KAT2B: variants seen among roughly 807,000 people sequenced by gnomAD.
KAT2B encodes the protein lysine acetyltransferase 2B, also known as histone acetyltransferase KAT2B.
Under a neutral mutation model 105.9 loss-of-function variants are expected in KAT2B, and 36 were observed. That is an observed-to-expected ratio of 0.34 (90% CI 0.26 to 0.45). The LOEUF (loss-of-function observed/expected upper bound fraction) is 0.45, where lower values mean the gene tolerates loss of function less well. Ranked by LOEUF, KAT2B falls within the 20% of genes least tolerant of loss-of-function variation. The pLI, the probability that KAT2B is intolerant of heterozygous loss-of-function variation, is 1.00. For synonymous variants in KAT2B, 397 were observed against 377.9 expected (o/e 1.05, Z -0.59); for missense variants, 820 against 1,021.6 (o/e 0.80, Z 2.69).
intron 3 of KAT2B, 102 bp from the exon 4 acceptor site, chr3:20,099,758 TAA>T (rs201471977): frequency 0.014 from 8,331 of 611,410 alleles, 51 homozygotes; most frequent in Non-Finnish European, 0.018. Flanking sequence ...TGTGTGTGTG[TAA>T]GAGAGAGAGA....
intron 12 of KAT2B, 63 bp downstream of exon 12, chr3:20,137,115 G>A (rs532236949): frequency 2.6e-5 from 22 of 833,032 alleles, no homozygotes; most frequent in African/African-American, 2.0e-4. Context: ...CTCAGGTAGC[G>A]TTCTTCCAAA....
chr3:20,138,293 T>A (rs1256145605), intron 12 of KAT2B, among the ~76,000 whole-genome samples: 1 of 152,178 alleles, frequency 6.6e-6, no homozygotes, highest in Non-Finnish European at 1.5e-5. Context: ...ATTTTTTCTG[T>A]GTGTATATAA....
intron 1 of KAT2B, among the ~76,000 whole-genome samples, chr3:20,051,936 G>A (rs989280460): frequency 5.3e-5 from 8 of 152,156 alleles, no homozygotes; most frequent in Admixed American, 1.3e-4. Flanking sequence ...TAAATTCCAT[G>A]GGCTGCTTTG....
intron 2 of KAT2B, among the ~76,000 whole-genome samples, chr3:20,078,898 G>C: frequency 7.0e-6 from 1 of 141,988 alleles, no homozygotes. Context: ...TTTTTGAGAA[G>C]GAGTCTCACT....
chr3:20,126,145 T>C (rs1276059990), intron 10 of KAT2B, 32 bp downstream of exon 10: 1 of 1,531,950 alleles, frequency 6.5e-7, no homozygotes, highest in Admixed American at 2.0e-5. Context: ...TTCTTCCTTA[T>C]TTCCTTTTTA....
At chr3:20,102,128 CAA>C (rs1242642440) in intron 5 of KAT2B, among the ~76,000 whole-genome samples, 2 of 151,964 alleles carry the variant, frequency 1.3e-5, no homozygotes, top group Admixed American at 6.6e-5. Flanking sequence ...CCAGCCTGGC[CAA>C]TATGGTGAAA....
chr3:20,114,241 G>A (rs949772902), intron 6 of KAT2B, among the ~76,000 whole-genome samples: 4 of 152,116 alleles, frequency 2.6e-5, no homozygotes, highest in Non-Finnish European at 5.9e-5. Context: ...TTCCAATCCT[G>A]ATCCTGCCAT....
At position 20,127,059 on chromosome 3, in the gene KAT2B, C is replaced by T. The variant is rs1699417690; in HGVS notation, c.1623-364C>T. 2.0e-5 allele frequency among the ~76,000 whole-genome samples: 3 copies of T among 152,292 alleles called. No individual in the cohort carries two copies. The South Asian group carries it at 6.2e-4, about 32-fold the overall frequency. The stretch of plus-strand genomic sequence containing the variant: ...TAATATTTTGGAGTAAGACTTAACT[C>T]TTCAGAGACACATACCATGTTTGTC... On this transcript the variant is annotated intron_variant, in intron 10 of 17. Coordinates refer to ENST00000263754, the MANE Select transcript of KAT2B (RefSeq NM_003884.5).
chr3:20,082,858 T>G (rs1458306578), intron 2 of KAT2B, among the ~76,000 whole-genome samples: 1 of 152,064 alleles, frequency 6.6e-6, no homozygotes, highest in Non-Finnish European at 1.5e-5. Flanking sequence ...TTCAAGGTGG[T>G]AAGAAAAAGA....
chr3:20,054,684 A>G (rs1261104226), intron 1 of KAT2B, among the ~76,000 whole-genome samples: 1 of 152,230 alleles, frequency 6.6e-6, no homozygotes. Flanking sequence ...GAGTAATATC[A>G]TAGTGATTGA....
rs575706741 is a variant in KAT2B, at chr3:20,130,925, C to T, written c.1749+3376C>T. 1.5e-4 allele frequency among the ~76,000 whole-genome samples: 21 copies of T among 144,718 alleles called. 1 individual carries two copies. In the East Asian group the frequency reaches 2.9e-3, roughly 20 times the overall value. The allele number at this position is 144,718 out of a possible 152,430, so 94.9% of individuals were successfully genotyped here. ...GAACGTGTGTGTGTGTGCATGCGTGCGTGTGTGTGTGTGTTCTAATGGTAA... is the reference window on the plus strand; with the variant it reads ...GAACGTGTGTGTGTGTGCATGCGTGTGTGTGTGTGTGTGTTCTAATGGTAA... On this transcript the variant is annotated intron_variant, in intron 11 of 17. Coordinates refer to ENST00000263754, the MANE Select transcript of KAT2B (RefSeq NM_003884.5).
intron 11 of KAT2B, among the ~76,000 whole-genome samples, chr3:20,129,460 C>T (rs558715172): frequency 2.6e-5 from 4 of 151,632 alleles, no homozygotes; most frequent in South Asian, 2.1e-4. Flanking sequence ...CTGCAACCAC[C>T]GCCTCATGGG....
At chr3:20,121,777 TG>T (rs1699315317) in intron 8 of KAT2B, among the ~76,000 whole-genome samples, 1 of 142,764 alleles carries the variant, frequency 7.0e-6, no homozygotes, top group Non-Finnish European at 1.5e-5. Context: ...TGTGTGTGTG[TG>T]TGTGTATAGC....
chr3:20,108,749 G>C (rs1422758984), intron 5 of KAT2B, among the ~76,000 whole-genome samples: 1 of 152,202 alleles, frequency 6.6e-6, no homozygotes, highest in Non-Finnish European at 1.5e-5. Flanking sequence ...GAAGTGAGTG[G>C]TGGGCGAGTG....
At chr3:20,133,791 TG>T (rs1478667880) in intron 11 of KAT2B, among the ~76,000 whole-genome samples, 1 of 152,202 alleles carries the variant, frequency 6.6e-6, no homozygotes, top group East Asian at 1.9e-4. Context: ...TTGCTGGCAC[TG>T]GGTACATAAA....
At chr3:20,135,065 A>C (rs1241010953) in intron 11 of KAT2B, among the ~76,000 whole-genome samples, 4 of 152,214 alleles carry the variant, frequency 2.6e-5, no homozygotes, top group Non-Finnish European at 4.4e-5. Context: ...ACCTCTATAC[A>C]CATGTGTTTA....
At chr3:20,072,287 G>A (rs41285055) in intron 1 of KAT2B, 46 bp from the exon 2 acceptor site, 30 of 1,597,762 alleles carry the variant, frequency 1.9e-5, no homozygotes, top group African/African-American at 6.7e-5. Flanking sequence ...ATCAGTCCAC[G>A]GCTGCCTGTT....
At chr3:20,140,752 A>G (rs1294846445) in intron 13 of KAT2B, among the ~76,000 whole-genome samples, 1 of 152,014 alleles carries the variant, frequency 6.6e-6, no homozygotes, top group East Asian at 1.9e-4. Context: ...TCGGCCTCCC[A>G]AATTGTTGGG....
intron 1 of KAT2B, among the ~76,000 whole-genome samples, chr3:20,060,660 A>T (rs1444358290): frequency 6.6e-6 from 1 of 151,964 alleles, no homozygotes; most frequent in Non-Finnish European, 1.5e-5. Context: ...ATGGTAGCTC[A>T]TGGCCTGTAA....
Sources: allele counts gnomAD v4.1 joint callset (sites outside exome capture counted in the v4.1 genomes callset), GRCh38; gene constraint gnomAD v4.1.1; transcripts MANE v1.5; gene names NCBI Gene and HGNC (gene_info 2026-07-23, HGNC 2026-07-21).